The following SLC24A2 variants were observed in gnomAD, a reference collection of about 807,000 sequenced individuals.
The protein encoded by SLC24A2 is sodium/potassium/calcium exchanger 2.
SLC24A2 carries 36 observed loss-of-function variants against 62.0 expected under a neutral mutation model. The observed-to-expected ratio is 0.58, with a 90% CI of 0.44 to 0.77. The LOEUF is 0.77. Ranked by LOEUF, SLC24A2 falls within the 30% of genes least tolerant of loss-of-function variation. The pLI is 0.00. For synonymous variants in SLC24A2, 358 were observed against 294.0 expected (o/e 1.22, Z -2.23); for missense variants, 846 against 817.9 (o/e 1.03, Z -0.42).
intron 2 of SLC24A2, among the ~76,000 whole-genome samples, chr9:19,743,104 T>C (rs1162526405): frequency 6.6e-6 from 1 of 151,824 alleles, no homozygotes; most frequent in East Asian, 1.9e-4. Flanking sequence ...GGAGGAATTG[T>C]GTGCTTAACA....
chr9:19,562,762 ATTTC>A (rs536542662), intron 7 of SLC24A2, among the ~76,000 whole-genome samples: 87 of 152,246 alleles, frequency 5.7e-4, no homozygotes, highest in Non-Finnish European at 1.1e-3. Flanking sequence ...ACACTAGTGG[ATTTC>A]TTTTTTAAGG....
At chr9:20,014,313 G>C in the SLC24A2 span, among the ~76,000 whole-genome samples, 2 of 152,010 alleles carry the variant, frequency 1.3e-5, no homozygotes, top group East Asian at 3.9e-4. Flanking sequence ...GTGAAAAGCA[G>C]TGTAGACAGT....
chr9:19,535,562 T>C (rs1053218069), intron 8 of SLC24A2, among the ~76,000 whole-genome samples: 3 of 152,230 alleles, frequency 2.0e-5, no homozygotes, highest in Admixed American at 6.5e-5. Flanking sequence ...GTTTAAGTTT[T>C]CTGCATGTGA....
At chr9:20,221,448 ACAAG>A in the SLC24A2 span, among the ~76,000 whole-genome samples, 1 of 152,050 alleles carries the variant, frequency 6.6e-6, no homozygotes. Flanking sequence ...AAACAAACAA[ACAAG>A]ACTTGTTTTG....
chr9:19,922,085 G>C, the SLC24A2 span, among the ~76,000 whole-genome samples: 1 of 152,234 alleles, frequency 6.6e-6, no homozygotes, highest in Admixed American at 6.5e-5. Flanking sequence ...AGCAGCTAGA[G>C]AAAATAAAGT....
the SLC24A2 span, among the ~76,000 whole-genome samples, chr9:19,931,407 C>T: frequency 6.6e-6 from 1 of 152,106 alleles, no homozygotes; most frequent in Non-Finnish European, 1.5e-5. Flanking sequence ...ATAAAACCAA[C>T]AAGAGAAAAC....
chr9:19,730,481 C>T (rs1821303636), intron 2 of SLC24A2, among the ~76,000 whole-genome samples: 1 of 152,028 alleles, frequency 6.6e-6, no homozygotes. Context: ...CCTAAATTGC[C>T]CACCAGTAGG....
the SLC24A2 span, among the ~76,000 whole-genome samples, chr9:20,064,321 G>C: frequency 4.6e-4 from 70 of 152,320 alleles, 2 homozygotes; most frequent in South Asian, 1.9e-3. Flanking sequence ...GGGAGTGTGT[G>C]AGTGGGTATT....
At chr9:20,187,682 G>A in the SLC24A2 span, among the ~76,000 whole-genome samples, 1 of 152,112 alleles carries the variant, frequency 6.6e-6, no homozygotes, top group Non-Finnish European at 1.5e-5. Context: ...CTTCCTCTAG[G>A]AGTCATTCCC....
intron 9 of SLC24A2, among the ~76,000 whole-genome samples, chr9:19,523,066 C>T (rs745638038): frequency 6.6e-5 from 10 of 152,156 alleles, no homozygotes; most frequent in Non-Finnish European, 1.2e-4. Context: ...CACGGTAGTT[C>T]CAGCTACTCG....
At chr9:20,105,202 T>C in the SLC24A2 span, among the ~76,000 whole-genome samples, 1 of 152,128 alleles carries the variant, frequency 6.6e-6, no homozygotes, top group Admixed American at 6.5e-5. Context: ...ATAAAGCAAG[T>C]CCTGAGTTAC....
At chr9:19,636,299 CT>C (rs1250604021) in intron 2 of SLC24A2, among the ~76,000 whole-genome samples, 12 of 41,894 alleles carry the variant, frequency 2.9e-4, no homozygotes, top group African/African-American at 3.8e-4. Context: ...CTTTTCTTTT[CT>C]TTTCTTTTCT....
the SLC24A2 span, among the ~76,000 whole-genome samples, chr9:20,060,324 C>A: frequency 1.3e-5 from 2 of 151,960 alleles, no homozygotes; most frequent in African/African-American, 2.4e-5. Flanking sequence ...CTTTATTCCT[C>A]ATACCAAAGT....
the SLC24A2 span, among the ~76,000 whole-genome samples, chr9:20,184,013 T>C: frequency 3.3e-5 from 5 of 152,238 alleles, no homozygotes; most frequent in East Asian, 9.7e-4. Flanking sequence ...TTGCAAACCA[T>C]ACATCTGATA....
chr9:19,631,849 C>G (rs1818188297), intron 2 of SLC24A2, among the ~76,000 whole-genome samples: 1 of 152,160 alleles, frequency 6.6e-6, no homozygotes, highest in Non-Finnish European at 1.5e-5. Flanking sequence ...TGTACGGGTC[C>G]TTTAACCTGA....
chr9:20,008,696 AAGC>A, the SLC24A2 span, among the ~76,000 whole-genome samples: 4 of 152,138 alleles, frequency 2.6e-5, no homozygotes, highest in Non-Finnish European at 5.9e-5. Context: ...TCTAGGAAAG[AAGC>A]AGCCTCTAGA....
At chr9:20,110,788 A>T in the SLC24A2 span, among the ~76,000 whole-genome samples, 1 of 152,204 alleles carries the variant, frequency 6.6e-6, no homozygotes, top group Non-Finnish European at 1.5e-5. Context: ...TTTCATAGTG[A>T]TCTTTCCTTC....
chr9:20,036,895 T>C, the SLC24A2 span, among the ~76,000 whole-genome samples: 1 of 140,034 alleles, frequency 7.1e-6, no homozygotes, highest in Non-Finnish European at 1.5e-5. Flanking sequence ...TGTGTGCGTA[T>C]ATATATGTAT....
At chr9:19,705,594 G>C (rs943140217) in intron 2 of SLC24A2, 1 of 229,844 alleles carries the variant, frequency 4.4e-6, no homozygotes, top group South Asian at 7.9e-5. Context: ...GGACTAGTGA[G>C]CCACAGCTCA....
Sources: gnomAD v4.1 joint callset for allele counts (sites outside exome capture counted in the v4.1 genomes callset) on GRCh38, gnomAD v4.1.1 for gene constraint, MANE v1.5 for transcripts, NCBI Gene and HGNC (gene_info 2026-07-23, HGNC 2026-07-21) for gene names.